The following EVI5 variants were observed in gnomAD, a reference collection of about 807,000 sequenced individuals.
EVI5 encodes the protein ecotropic viral integration site 5.
EVI5 carries 73 observed loss-of-function variants against 112.0 expected under a neutral mutation model. The observed-to-expected ratio is 0.65, with a 90% CI of 0.54 to 0.79. The LOEUF (loss-of-function observed/expected upper bound fraction) is 0.79. Among genes scored for constraint, EVI5 ranks in the 30% least tolerant of loss-of-function variants. EVI5 has a pLI of 0.00. For synonymous variants in EVI5, 305 were observed against 319.9 expected (o/e 0.95, Z 0.50); for missense variants, 900 against 968.8 (o/e 0.93, Z 0.94).
At chr1:92,617,731 G>C (rs1030955144) in intron 16 of EVI5, among the ~76,000 whole-genome samples, 1 of 152,188 alleles carries the variant, frequency 6.6e-6, no homozygotes, top group Non-Finnish European at 1.5e-5. Flanking sequence ...TGATCAGCTA[G>C]CTACCTGGTG....
At chr1:92,600,675 T>C (rs1300005224) in intron 18 of EVI5, among the ~76,000 whole-genome samples, 6 of 152,176 alleles carry the variant, frequency 3.9e-5, no homozygotes, top group African/African-American at 1.4e-4. Context: ...ACCCCTGACA[T>C]GTGCAGTTCA....
intron 2 of EVI5, among the ~76,000 whole-genome samples, chr1:92,733,598 G>A (rs1180837052): frequency 6.6e-6 from 1 of 151,166 alleles, no homozygotes; most frequent in Admixed American, 6.6e-5. Context: ...TTTTAGTAAA[G>A]ATGAGGTTTC....
intron 1 of EVI5, among the ~76,000 whole-genome samples, chr1:92,775,557 C>T (rs1216291888): frequency 6.6e-6 from 1 of 152,052 alleles, no homozygotes; most frequent in African/African-American, 2.4e-5. Context: ...ACATACTGTA[C>T]AGGTTTGTAG....
chr1:92,631,771 G>C (rs1322407913), intron 14 of EVI5, among the ~76,000 whole-genome samples: 1 of 152,168 alleles, frequency 6.6e-6, no homozygotes, highest in Non-Finnish European at 1.5e-5. Context: ...TTTTCAAAGG[G>C]AATGCTTCCA....
intron 13 of EVI5, among the ~76,000 whole-genome samples, chr1:92,647,980 A>T (rs1460517336): frequency 6.7e-6 from 1 of 149,794 alleles, no homozygotes; most frequent in Non-Finnish European, 1.5e-5. Flanking sequence ...CCTGGCCTCA[A>T]GTGATCCGCC....
At chr1:92,695,544 C>A in intron 6 of EVI5, 91 bp from the exon 7 acceptor site, 1 of 729,910 alleles carries the variant, frequency 1.4e-6, no homozygotes. Context: ...ATACCAAACA[C>A]AGATTAGATC....
intron 1 of EVI5, among the ~76,000 whole-genome samples, chr1:92,744,835 G>GT (rs1679025391): frequency 6.6e-6 from 1 of 152,068 alleles, no homozygotes; most frequent in Non-Finnish European, 1.5e-5. Context: ...GCTGAAGTCC[G>GT]TAAGTAAAAT....
chr1:92,571,555 C>A (rs12743520), intron 18 of EVI5, among the ~76,000 whole-genome samples: 29,692 of 151,862 alleles, frequency 0.2, 3,430 homozygotes, highest in Non-Finnish European at 0.25. Context: ...AATTCAAAGC[C>A]TTTTAGGATC....
At chr1:92,590,140 G>A (rs774204890) in intron 18 of EVI5, among the ~76,000 whole-genome samples, 16 of 152,120 alleles carry the variant, frequency 1.1e-4, no homozygotes, top group East Asian at 1.9e-4. Flanking sequence ...AAGACCAAAC[G>A]TAGATAAAAC....
At chr1:92,626,061 A>C in intron 14 of EVI5, 127 bp from the exon 15 acceptor site, 1 of 597,580 alleles carries the variant, frequency 1.7e-6, no homozygotes, top group East Asian at 2.8e-5. Context: ...AATATAATTC[A>C]CAAACTATGA....
chr1:92,602,822 A>AAAAAC (rs1172709019), intron 18 of EVI5, among the ~76,000 whole-genome samples: 5 of 152,218 alleles, frequency 3.3e-5, no homozygotes, highest in Admixed American at 3.3e-4. Context: ...CACCACCAAA[A>AAAAAC]AAAACAAAAC....
At chr1:92,697,442 AAAAATAAAAAT>A (rs1410478692) in intron 6 of EVI5, among the ~76,000 whole-genome samples, 3 of 152,176 alleles carry the variant, frequency 2.0e-5, no homozygotes, top group Admixed American at 6.5e-5. Flanking sequence ...CGGGCTAGCA[AAAAATAAAAAT>A]AAAATAAAAG....
intron 6 of EVI5, among the ~76,000 whole-genome samples, chr1:92,696,755 G>A (rs1339686021): frequency 1.3e-5 from 2 of 151,832 alleles, no homozygotes; most frequent in Non-Finnish European, 2.9e-5. Context: ...TAAAAAATTA[G>A]CCAGGCACAG....
intron 19 of EVI5, among the ~76,000 whole-genome samples, chr1:92,517,411 A>G (rs944502971): frequency 1.3e-5 from 2 of 152,334 alleles, no homozygotes; most frequent in African/African-American, 4.8e-5. Context: ...AATCCCCCAT[A>G]GATACCAAGG....
intron 19 of EVI5, among the ~76,000 whole-genome samples, chr1:92,530,835 A>T (rs1662750116): frequency 6.6e-6 from 1 of 152,046 alleles, no homozygotes; most frequent in Non-Finnish European, 1.5e-5. Flanking sequence ...GGGAGAAACC[A>T]GTGTAAAAAG....
intron 2 of EVI5, among the ~76,000 whole-genome samples, chr1:92,721,421 A>G (rs931843636): frequency 4.6e-5 from 7 of 152,212 alleles, no homozygotes; most frequent in Admixed American, 2.0e-4. Context: ...GCAAACTATC[A>G]TAAGGACTGA....
intron 16 of EVI5, among the ~76,000 whole-genome samples, chr1:92,623,235 T>C (rs932956641): frequency 3.3e-5 from 5 of 152,168 alleles, no homozygotes; most frequent in Non-Finnish European, 7.4e-5. Flanking sequence ...GTATTTTATA[T>C]AGAATAATAC....
At position 92,693,912 on chromosome 1, in the gene EVI5, TA is replaced by T. The variant is rs368146419; in HGVS notation, c.1000-14del. 1,736 of 1,312,474 alleles carry T rather than the reference TA, an allele frequency of 1.3e-3. No homozygotes were observed. The highest frequency in any genetic ancestry group is 1.5e-3 in the Non-Finnish European group (1,451 of 951,490). 81.3% of individuals were successfully genotyped at this position (1,312,474 alleles called of 1,614,324 possible). On this transcript the variant is annotated splice_polypyrimidine_tract_variant and intron_variant, in intron 8 of 19. Transcript: ENST00000684568. The stretch of plus-strand genomic sequence containing the variant: ...CCTTTTGAAAGTGCTAAGATACAAT[TA>T]AAAAAAAAACATAAGAATGACTTAG...
At chr1:92,783,667 C>T (rs960685695) in intron 1 of EVI5, among the ~76,000 whole-genome samples, 3 of 151,372 alleles carry the variant, frequency 2.0e-5, no homozygotes, top group Non-Finnish European at 4.4e-5. Context: ...CAAAAATTAG[C>T]TGGGAGTGGT....
Sources: allele counts gnomAD v4.1 joint callset (sites outside exome capture counted in the v4.1 genomes callset), GRCh38; gene constraint gnomAD v4.1.1; transcripts MANE v1.5; gene names NCBI Gene and HGNC (gene_info 2026-07-23, HGNC 2026-07-21).